CADM2: variants seen among roughly 807,000 people sequenced by gnomAD.
CADM2 encodes the protein immunoglobulin superfamily member 4D.
In CADM2, 12 loss-of-function variants were observed where a neutral mutation model predicts 49.8. The ratio of observed to expected loss-of-function variants is 0.24; its 90% CI spans 0.15 to 0.39. The LOEUF is 0.39. Among genes scored for constraint, CADM2 ranks in the 10% least tolerant of loss-of-function variants. The pLI, the probability that CADM2 is intolerant of heterozygous loss-of-function variation, is 1.00. For synonymous variants in CADM2, 214 were observed against 175.4 expected, an observed-to-expected ratio of 1.22 and a Z score of -1.74; for missense variants, 378 against 492.3, an observed-to-expected ratio of 0.77 and a Z score of 2.20.
intron 1 of CADM2, among the ~76,000 whole-genome samples, chr3:85,656,173 T>C (rs896457759): frequency 1.3e-5 from 2 of 152,110 alleles, no homozygotes; most frequent in East Asian, 3.9e-4. Context: ...TTCTTGTTTT[T>C]TAGTTTAATT....
intron 1 of CADM2, among the ~76,000 whole-genome samples, chr3:85,364,302 A>G (rs2032584512): frequency 6.6e-6 from 1 of 152,170 alleles, no homozygotes; most frequent in Non-Finnish European, 1.5e-5. Context: ...AGAAATGACA[A>G]CAGAACTATG....
intron 1 of CADM2, among the ~76,000 whole-genome samples, chr3:85,111,205 T>C (rs911371266): frequency 6.6e-6 from 1 of 151,894 alleles, no homozygotes; most frequent in Non-Finnish European, 1.5e-5. Context: ...TATGAGGTCT[T>C]TCTTATATTA....
At chr3:85,674,657 A>T (rs1442686516) in intron 1 of CADM2, among the ~76,000 whole-genome samples, 1 of 152,188 alleles carries the variant, frequency 6.6e-6, no homozygotes, top group Non-Finnish European at 1.5e-5. Flanking sequence ...TATGACAGAC[A>T]GTTATCATGG....
intron 8 of CADM2, among the ~76,000 whole-genome samples, chr3:86,027,543 A>G (rs569694561): frequency 1.3e-4 from 20 of 152,262 alleles, no homozygotes; most frequent in Non-Finnish European, 2.5e-4. Context: ...TATTGCCAAC[A>G]GCAGCAAAAC....
rs2066155820 is a variant in CADM2 at position 85,684,880 on chromosome 3, G to C, written c.62-41642G>C. On this transcript the variant is annotated intron_variant, in intron 1 of 9. Coordinates refer to ENST00000383699, the MANE Select transcript of CADM2 (RefSeq NM_001167675.2). ...ACAATTCAAGATGAGATTTTAGTGG[G>C]AACACAGCCAAACCAAATCATCTTG... is the stretch of plus-strand genomic sequence containing the variant. 2.6e-5 allele frequency among the ~76,000 whole-genome samples: 4 copies of C among 152,144 alleles called. No individual in the cohort carries two copies. The South Asian group carries it at 8.3e-4, about 31-fold the overall frequency.
intron 2 of CADM2, among the ~76,000 whole-genome samples, chr3:85,762,508 A>C (rs145782651): frequency 1.5e-4 from 22 of 151,494 alleles, no homozygotes; most frequent in Non-Finnish European, 2.7e-4. Context: ...AGCCTTCCCT[A>C]GTTACCTACA....
chr3:85,376,808 G>GA (rs554752211), intron 1 of CADM2, among the ~76,000 whole-genome samples: 8 of 151,662 alleles, frequency 5.3e-5, no homozygotes, highest in Admixed American at 4.6e-4. Context: ...CTTTTAAAAT[G>GA]AAAAAAAGGC....
chr3:85,653,413 G>C (rs775880204), intron 1 of CADM2, among the ~76,000 whole-genome samples: 10 of 150,056 alleles, frequency 6.7e-5, no homozygotes, highest in Non-Finnish European at 1.2e-4. Flanking sequence ...AAGTAACATT[G>C]ACAGGATTAG....
At chr3:85,972,217 C>A (rs1726245432) in intron 8 of CADM2, among the ~76,000 whole-genome samples, 1 of 151,470 alleles carries the variant, frequency 6.6e-6, no homozygotes, top group South Asian at 2.1e-4. Context: ...TTTGTACAGG[C>A]AAAAGCAAAT....
intron 1 of CADM2, among the ~76,000 whole-genome samples, chr3:85,413,243 A>G (rs2035759569): frequency 6.6e-6 from 1 of 151,214 alleles, no homozygotes; most frequent in African/African-American, 2.4e-5. Flanking sequence ...AACAATAACA[A>G]TTCACTTTTT....
intron 1 of CADM2, among the ~76,000 whole-genome samples, chr3:85,100,799 G>A (rs191303289): frequency 5.3e-5 from 8 of 152,244 alleles, no homozygotes; most frequent in Admixed American, 2.6e-4. Flanking sequence ...GCATTTTTAA[G>A]TGCATGTAAT....
chr3:85,979,598 AC>A (rs1445596422), intron 8 of CADM2, among the ~76,000 whole-genome samples: 1 of 151,646 alleles, frequency 6.6e-6, no homozygotes, highest in Non-Finnish European at 1.5e-5. Flanking sequence ...TGAGAGGTAA[AC>A]AAATAAATAA....
At chr3:85,941,118 T>C (rs1476822131) in intron 7 of CADM2, among the ~76,000 whole-genome samples, 1 of 152,118 alleles carries the variant, frequency 6.6e-6, no homozygotes, top group East Asian at 1.9e-4. Flanking sequence ...AACAGATTGT[T>C]TTAATAATGA....
intron 1 of CADM2, among the ~76,000 whole-genome samples, chr3:85,401,530 C>T (rs1310831498): frequency 1.3e-5 from 2 of 152,056 alleles, no homozygotes; most frequent in Admixed American, 6.6e-5. Context: ...CACTGTGTCA[C>T]CCCTAGAGGA....
chr3:85,313,700 C>G (rs1376343393), intron 1 of CADM2, among the ~76,000 whole-genome samples: 1 of 152,154 alleles, frequency 6.6e-6, no homozygotes, highest in Non-Finnish European at 1.5e-5. Context: ...TGGCTGAACT[C>G]ATACATTAGC....
intron 1 of CADM2, among the ~76,000 whole-genome samples, chr3:85,547,572 T>G (rs12631454): frequency 0.082 from 12,429 of 152,210 alleles, 983 homozygotes; most frequent in African/African-American, 0.19. Flanking sequence ...CGTGTCTTAT[T>G]CTGTCACAGA....
chr3:85,505,006 C>G (rs974191393), intron 1 of CADM2, among the ~76,000 whole-genome samples: 2 of 152,108 alleles, frequency 1.3e-5, no homozygotes, highest in African/African-American at 2.4e-5. Flanking sequence ...ACCCGGAACT[C>G]CAGCTGGCCC....
rs1713107495 is a variant in CADM2, at chr3:85,883,430, T to C, written c.378T>C (p.Tyr126=). 6.2e-7 allele frequency: 1 copy of C among 1,613,718 alleles called. No homozygotes were observed. Among genetic ancestry groups the C allele is most frequent in the African/African-American group, 1.3e-5 (1 of 75,046 alleles). The change falls in exon 4 of 10, where the codon TAT becomes TAC. Residue 126 remains tyrosine (Y), a synonymous_variant. Coordinates refer to ENST00000383699, the MANE Select transcript of CADM2 (RefSeq NM_001167675.2). ...TGCCTGTCAAAACTTCCAAGGCATATCTCACCGTTCTGGGTAAGTGCAAGG... is the reference window on the plus strand; with the variant it reads ...TGCCTGTCAAAACTTCCAAGGCATACCTCACCGTTCTGGGTAAGTGCAAGG... ...FTMPVKTSKA[Y]LTVLGVPEKP...
At chr3:85,932,051 G>A (rs1276506714) in intron 6 of CADM2, among the ~76,000 whole-genome samples, 1 of 151,104 alleles carries the variant, frequency 6.6e-6, no homozygotes, top group Non-Finnish European at 1.5e-5. Context: ...AGATTTAAAG[G>A]GTTAAAATTT....
Sources: gnomAD v4.1 joint callset for allele counts (sites outside exome capture counted in the v4.1 genomes callset) on GRCh38, gnomAD v4.1.1 for gene constraint, MANE v1.5 for transcripts, NCBI Gene and HGNC (gene_info 2026-07-23, HGNC 2026-07-21) for gene names.